Variants in KAT2B observed in about 807,000 individuals in gnomAD.
KAT2B encodes lysine acetyltransferase 2B.
KAT2B carries 36 observed loss-of-function variants against 105.9 expected under a neutral mutation model. The ratio of observed to expected loss-of-function variants is 0.34; its 90% CI spans 0.26 to 0.45. The LOEUF (loss-of-function observed/expected upper bound fraction) is 0.45. KAT2B is among the 20% of genes least tolerant of loss of function. The probability of loss-of-function intolerance (pLI) is 1.00; values close to 1 mark genes in which losing one functional copy is unlikely to be tolerated. For missense variants in KAT2B, 820 were observed against 1,021.6 expected (o/e 0.80, Z 2.69); for synonymous variants, 397 against 377.9 (o/e 1.05, Z -0.59).
intron 2 of KAT2B, among the ~76,000 whole-genome samples, chr3:20,074,443 A>G (rs938370238): frequency 1.3e-5 from 2 of 152,220 alleles, no homozygotes; most frequent in Non-Finnish European, 2.9e-5. Context: ...GGGTTAATAC[A>G]TAGTAGTATT....
chr3:20,124,608 A>G (rs1699366931), intron 9 of KAT2B, among the ~76,000 whole-genome samples: 1 of 152,158 alleles, frequency 6.6e-6, no homozygotes. Flanking sequence ...TCAGCATGAG[A>G]TTTGGAGGGG....
At chr3:20,064,301 G>A (rs1698189088) in intron 1 of KAT2B, among the ~76,000 whole-genome samples, 1 of 152,164 alleles carries the variant, frequency 6.6e-6, no homozygotes, top group South Asian at 2.1e-4. Context: ...CCAAATCAGT[G>A]TAATTAGCAT....
chr3:20,076,081 C>T (rs1698414047), intron 2 of KAT2B, among the ~76,000 whole-genome samples: 1 of 152,006 alleles, frequency 6.6e-6, no homozygotes, highest in Non-Finnish European at 1.5e-5. Flanking sequence ...TCTTAAGTCA[C>T]CTCATTAGCA....
intron 2 of KAT2B, among the ~76,000 whole-genome samples, chr3:20,073,468 G>C (rs1253645024): frequency 6.6e-6 from 1 of 152,140 alleles, no homozygotes; most frequent in African/African-American, 2.4e-5. Context: ...TGTACTCAGA[G>C]AGTATTTCAA....
chr3:20,119,646 C>T lies in KAT2B; in HGVS notation c.1199C>T (p.Ser400Leu). Residue 400 changes from serine (S) to leucine (L), a missense_variant, in exon 8 of 18, where the codon TCA (serine) becomes TTA (leucine). Physicochemically the swap from Ser to Leu is moderately radical, Grantham distance 145. This residue lies in a region of KAT2B where 225 missense variants were observed against 268.1 expected (regional missense o/e 0.84). Transcript: ENST00000263754. The stretch of plus-strand genomic sequence containing the variant: ...GGGACAATTTCATACAATTCAACCT[C>T]ATCTTCCCTTGAGCAGCCAAACGCA... ...VAGTISYNST[S>L]SSLEQPNAGS... 6.2e-7 allele frequency: 1 copy of T among 1,614,108 alleles called. No homozygotes were observed. Among genetic ancestry groups the T allele is most frequent in the Non-Finnish European group, 8.5e-7 (1 of 1,179,988 alleles).
At chr3:20,104,890 G>GT (rs60864750) in intron 5 of KAT2B, among the ~76,000 whole-genome samples, 249 of 143,648 alleles carry the variant, frequency 1.7e-3, no homozygotes, top group East Asian at 0.017. Flanking sequence ...TTGTTTTTTT[G>GT]TTTTTTTTTT....
intron 13 of KAT2B, among the ~76,000 whole-genome samples, chr3:20,140,622 C>T: frequency 6.6e-6 from 1 of 152,104 alleles, no homozygotes. Context: ...TCCCGAGTAG[C>T]TAAGATTACA....
chr3:20,147,862 AT>A lies in KAT2B; in HGVS notation c.2120-99del, dbSNP rs1415503557. The A allele has an allele frequency of 3.7e-6, 4 of 1,081,664 alleles. No homozygotes were observed. The African/African-American group carries it at 6.4e-5, about 17-fold the overall frequency. The allele number at this position is 1,081,664 out of a possible 1,614,324, so 67.0% of individuals were successfully genotyped here. Reference sequence around the variant, plus strand: ...AGTCGTCTCTCAGAAGTAGACTTTTATTGTCATGCCTATAATTTCTTGTTTT... The same window carrying A: ...AGTCGTCTCTCAGAAGTAGACTTTTATGTCATGCCTATAATTTCTTGTTTT... On this transcript the variant is annotated intron_variant, in intron 14 of 17. Coordinates refer to ENST00000263754, the MANE Select transcript of KAT2B (RefSeq NM_003884.5).
intron 14 of KAT2B, among the ~76,000 whole-genome samples, chr3:20,146,758 G>A (rs1310083740): frequency 1.3e-5 from 2 of 152,082 alleles, no homozygotes; most frequent in African/African-American, 2.4e-5. Flanking sequence ...TGGGGAAATC[G>A]AGTTCCAAAG....
intron 1 of KAT2B, among the ~76,000 whole-genome samples, chr3:20,064,971 AC>A (rs745690367): frequency 5.3e-5 from 8 of 152,136 alleles, no homozygotes; most frequent in Non-Finnish European, 1.2e-4. Flanking sequence ...ACTCATTAAC[AC>A]TGCGTGAACT....
Position 20,152,707 on chromosome 3 carries a change from A to G in KAT2B, c.*182A>G, listed in dbSNP as rs957422049. On this transcript the variant is annotated 3_prime_UTR_variant, in exon 18 of 18. Transcript: ENST00000263754. ...TCAGATATGTATTTAAATTGAAGTC[A>G]TAGGACATTTTTATTTTATGGAATA... is the stretch of plus-strand genomic sequence containing the variant. The G allele has an allele frequency of 8.4e-6, 4 of 475,350 alleles. No individual in the cohort carries two copies. The highest frequency in any genetic ancestry group is 7.6e-5 in the South Asian group (2 of 26,332). 29.4% of individuals were successfully genotyped at this position (475,350 alleles called of 1,614,324 possible).
At chr3:20,119,771 G>A in intron 8 of KAT2B, 48 bp downstream of exon 8, 1 of 1,606,846 alleles carries the variant, frequency 6.2e-7, no homozygotes, top group East Asian at 2.2e-5. Context: ...TGCTCCAGGA[G>A]CTCCATTACC....
chr3:20,044,737 G>T (rs542008497), intron 1 of KAT2B, among the ~76,000 whole-genome samples: 1 of 152,254 alleles, frequency 6.6e-6, no homozygotes, highest in South Asian at 2.1e-4. Flanking sequence ...CTTCCCATTA[G>T]AAATTATCCA....
Position 20,127,464 on chromosome 3 carries a change from T to C in KAT2B, c.1664T>C (p.Ile555Thr). ...TLALIKDGRV[I>T]GGICFRMFPS... ...GCTTTAATTAAAGATGGCCGTGTTATTGGTGGTATCTGTTTCCGTATGTTC... is the reference window on the plus strand; with the variant it reads ...GCTTTAATTAAAGATGGCCGTGTTACTGGTGGTATCTGTTTCCGTATGTTC... The change falls in exon 11 of 18, where the codon ATT becomes ACT. Residue 555 changes from isoleucine to threonine, a missense_variant. This residue lies in a region of KAT2B where 225 missense variants were observed against 268.1 expected (regional missense o/e 0.84). Coordinates refer to ENST00000263754, the MANE Select transcript of KAT2B (RefSeq NM_003884.5). 1 of 1,613,236 alleles carries C rather than the reference T, an allele frequency of 6.2e-7. No homozygotes were observed. Among genetic ancestry groups the C allele is most frequent in the Non-Finnish European group, 8.5e-7 (1 of 1,179,116 alleles).
chr3:20,092,510 A>G (rs1460061691), intron 2 of KAT2B, among the ~76,000 whole-genome samples: 1 of 151,558 alleles, frequency 6.6e-6, no homozygotes, highest in African/African-American at 2.4e-5. Context: ...GATTACAGGC[A>G]TGAGCCACTG....
chr3:20,040,839 C>T (rs1018422538), intron 1 of KAT2B, 59 bp downstream of exon 1: 3 of 1,479,164 alleles, frequency 2.0e-6, no homozygotes, highest in Middle Eastern at 2.3e-4. Context: ...CCGCGGGACC[C>T]CCCTCCCCCT....
chr3:20,151,198 A>G (rs759734783), intron 17 of KAT2B, among the ~76,000 whole-genome samples: 1 of 152,164 alleles, frequency 6.6e-6, no homozygotes, highest in Non-Finnish European at 1.5e-5. Flanking sequence ...GATGACATAC[A>G]CTCTAACCAA....
At chr3:20,134,490 C>T (rs947971043) in intron 11 of KAT2B, among the ~76,000 whole-genome samples, 2 of 152,192 alleles carry the variant, frequency 1.3e-5, no homozygotes, top group African/African-American at 4.8e-5. Flanking sequence ...CTCACAGCAA[C>T]CTCCGACTCC....
chr3:20,062,011 T>C (rs1698119034), intron 1 of KAT2B, among the ~76,000 whole-genome samples: 1 of 74,362 alleles, frequency 1.3e-5, no homozygotes, highest in African/African-American at 4.1e-5. Flanking sequence ...ATATAATATA[T>C]ATTATATATA....
Sources: allele counts gnomAD v4.1 joint callset (sites outside exome capture counted in the v4.1 genomes callset), GRCh38; gene constraint gnomAD v4.1.1; regional missense constraint gnomAD v4.1.1; transcripts MANE v1.5; gene names NCBI Gene and HGNC (gene_info 2026-07-23, HGNC 2026-07-21).